Variants in ARL5C observed in about 807,000 individuals in gnomAD.
ARL5C encodes putative ADP-ribosylation factor-like protein 5C.
A neutral mutation model predicts 20.8 loss-of-function variants in ARL5C; 21 were observed. That is an observed-to-expected ratio of 1.01 (90% CI 0.72 to 1.46). The LOEUF (loss-of-function observed/expected upper bound fraction) is 1.46. ARL5C is among the 40% of genes most tolerant of loss of function. The probability of loss-of-function intolerance (pLI) is 0.00; values close to 1 mark genes in which losing one functional copy is unlikely to be tolerated. For synonymous variants in ARL5C, 71 were observed against 81.6 expected, an observed-to-expected ratio of 0.87 and a Z score of 0.70; for missense variants, 199 against 225.1, an observed-to-expected ratio of 0.88 and a Z score of 0.74.
intron 5 of ARL5C, among the ~76,000 whole-genome samples, chr17:39,157,937 C>CAAA (rs71141772): frequency 0.063 from 8,796 of 139,298 alleles, 392 homozygotes; most frequent in African/African-American, 0.13. Flanking sequence ...ACTAAAAATA[C>CAAA]AAAAAAAAAA....
Position 39,156,901 on chromosome 17 carries a change from G to A in ARL5C, c.533C>T (p.Ala178Val). Residue 178 changes from alanine to valine, a missense_variant, in exon 6 of 6, where the codon GCT (alanine) becomes GTT (valine). By Grantham distance (64) the Ala-to-Val change is moderately conservative. Coordinates refer to ENST00000269586, the MANE Select transcript of ARL5C (RefSeq NM_001143968.1). The stretch of plus-strand genomic sequence containing the variant: ...TGACCTCAGACTGGAACATCAGTTA[G>A]CAGCGGCCTGAGATTCCATCCACTG... Reference protein sequence around the residue: ...RLQWMESQAAAN With the variant: ...RLQWMESQAAVN 1 of 1,551,890 alleles carries A rather than the reference G, an allele frequency of 6.4e-7. No homozygotes were observed. The highest frequency in any genetic ancestry group is 8.7e-7 in the Non-Finnish European group (1 of 1,146,990).
Position 39,161,311 on chromosome 17 carries a change from A to G in ARL5C, c.296T>C (p.Leu99Pro). Residue 99 changes from leucine to proline, a missense_variant, in exon 4 of 6, where the codon CTG (leucine) becomes CCG (proline). Leu to Pro is a moderately conservative substitution (Grantham distance 98). Coordinates refer to ENST00000269586, the MANE Select transcript of ARL5C (RefSeq NM_001143968.1). The part of the protein sequence containing the change: ...LVIDSTDRDR[L>P]LTTREELYKM... ...ATATAGCTCCTCCCGAGTGGTCAGCAGCCGATCCCGGTCCGTGCTGTCAAT... is the reference window on the plus strand; with the variant it reads ...ATATAGCTCCTCCCGAGTGGTCAGCGGCCGATCCCGGTCCGTGCTGTCAAT... The G allele has an allele frequency of 6.4e-7, 1 of 1,551,956 alleles. No individual in the cohort carries two copies. Among genetic ancestry groups the G allele is most frequent in the Non-Finnish European group, 8.7e-7 (1 of 1,147,036 alleles).
intron 3 of ARL5C, 80 bp from the exon 4 acceptor site, chr17:39,161,431 G>T: frequency 8.1e-7 from 1 of 1,238,628 alleles, no homozygotes; most frequent in South Asian, 1.3e-5. Context: ...TTCCCCACTG[G>T]TCTCTGCACT....
In ARL5C at chr17:39,162,707, T is replaced by C. The variant is rs116337716; in HGVS notation, c.255+4A>G. On this transcript the variant is annotated splice_donor_region_variant and intron_variant, in intron 3 of 5. Coordinates refer to ENST00000269586, the MANE Select transcript of ARL5C (RefSeq NM_001143968.1). Reference sequence around the variant, plus strand: ...AGACCCTTCAGCCCTGGTGCCCTCCTCACCTCAGTGTTGGAGTAGTATGTG... The same window carrying C: ...AGACCCTTCAGCCCTGGTGCCCTCCCCACCTCAGTGTTGGAGTAGTATGTG... The C allele has an allele frequency of 1.8e-3, 2,722 of 1,551,346 alleles. 50 individuals carry two copies. The African/African-American group carries it at 0.034, about 19-fold the overall frequency.
At chr17:39,158,651 G>GC (rs1486633720) in intron 5 of ARL5C, among the ~76,000 whole-genome samples, 1 of 151,216 alleles carries the variant, frequency 6.6e-6, no homozygotes, top group Non-Finnish European at 1.5e-5. Flanking sequence ...TGCCCAGCCT[G>GC]CCATGATTCC....
At position 39,156,948 on chromosome 17, in the gene ARL5C, G is replaced by A. The variant is rs1467443961; in HGVS notation, c.492-6C>T. On this transcript the variant is annotated splice_region_variant and splice_polypyrimidine_tract_variant and intron_variant, in intron 5 of 5. Transcript: ENST00000269586. ...ACTGAAGTCTGGCAGGCAGCCTGCA[G>A]GGAGGAAGGAACAGGAGGGGTCAGC... 2 of 1,551,768 alleles carry A rather than the reference G, an allele frequency of 1.3e-6. No homozygotes were observed. Among genetic ancestry groups the A allele is most frequent in the Non-Finnish European group, 1.7e-6 (2 of 1,146,984 alleles).
chr17:39,159,106 AGTGCAGC>A (rs2045421763), intron 5 of ARL5C, among the ~76,000 whole-genome samples: 1 of 125,690 alleles, frequency 8.0e-6, no homozygotes, highest in Non-Finnish European at 1.6e-5. Context: ...GTCAGAGCTC[AGTGCAGC>A]CTGGAACTCC....
chr17:39,160,559 G>A lies in ARL5C; in HGVS notation c.491+32C>T. 5 of 1,549,674 alleles carry A rather than the reference G, an allele frequency of 3.2e-6. 1 individual carries two copies. The South Asian group carries it at 4.8e-5, about 15-fold the overall frequency. On this transcript the variant is annotated intron_variant, in intron 5 of 5. Coordinates refer to ENST00000269586, the MANE Select transcript of ARL5C (RefSeq NM_001143968.1). ...GTCAGTCATCCATTGGTTCAGCCAG[G>A]CCCTAGAGATCCAGGTAGGGCAGCC... is the stretch of plus-strand genomic sequence containing the variant.
At chr17:39,156,831 G>T (rs1311627344), downstream of ARL5C, 11 of 1,535,272 alleles carry the variant, frequency 7.2e-6, no homozygotes, top group African/African-American at 1.2e-4. Context: ...ATAGCCACTT[G>T]ATTTTCCACC....
At chr17:39,160,812 C>T (rs533376893) in intron 4 of ARL5C, 70 bp from the exon 5 acceptor site, 16 of 1,514,880 alleles carry the variant, frequency 1.1e-5, no homozygotes, top group African/African-American at 4.1e-5. Flanking sequence ...GCCTCACAGG[C>T]GCTCTCTGGC....
At chr17:39,156,991 T>C in intron 5 of ARL5C, 49 bp from the exon 6 acceptor site, 1 of 1,548,024 alleles carries the variant, frequency 6.5e-7, no homozygotes. Context: ...AAGAGAATGA[T>C]GGCCTTCAAG....
At chr17:39,163,353 T>TCTTTCTTTCTTTCTTTCTTTCTTTCTTC (rs772948301) in intron 2 of ARL5C, among the ~76,000 whole-genome samples, 3 of 109,204 alleles carry the variant, frequency 2.7e-5, no homozygotes, top group African/African-American at 2.1e-4. Context: ...TGCCTTTCTT[T>TCTTTCTTTCTTTCTTTCTTTCTTTCTTC]CTTTCTTTCT....
Position 39,165,840 on chromosome 17 carries a change from T to TC in ARL5C, c.-81dup, listed in dbSNP as rs966478402. ...TCGGCCCTGGTATTCGGAGCTCCGCTCCCCCGGGAGGGTCTGGCAGATTTT... is the reference window on the plus strand; with the variant it reads ...TCGGCCCTGGTATTCGGAGCTCCGCTCCCCCCGGGAGGGTCTGGCAGATTTT... On this transcript the variant is annotated 5_prime_UTR_variant, in exon 1 of 6. Transcript: ENST00000269586. 7.3e-6 allele frequency: 11 copies of TC among 1,505,906 alleles called. No individual in the cohort carries two copies. The African/African-American group carries it at 9.7e-5, about 13-fold the overall frequency. The allele number at this position is 1,505,906 out of a possible 1,614,324, so 93.3% of individuals were successfully genotyped here.
At chr17:39,163,774 A>G (rs1364607529) in intron 2 of ARL5C, among the ~76,000 whole-genome samples, 15 of 145,250 alleles carry the variant, frequency 1.0e-4, no homozygotes, top group Non-Finnish European at 2.1e-4. Flanking sequence ...GCACAATCTC[A>G]GCTCACTGCA....
At chr17:39,160,878 G>C in intron 4 of ARL5C, 136 bp from the exon 5 acceptor site, 1 of 1,021,374 alleles carries the variant, frequency 9.8e-7, no homozygotes, top group Non-Finnish European at 1.4e-6. Context: ...GCAGAGATGG[G>C]GGCCCTGCCA....
intron 5 of ARL5C, among the ~76,000 whole-genome samples, chr17:39,158,322 A>C (rs1023278503): frequency 2.6e-5 from 4 of 151,912 alleles, no homozygotes; most frequent in African/African-American, 9.7e-5. Context: ...TCTTCAAAAA[A>C]CACATCTGCG....
chr17:39,165,615 C>A (rs1024022241), intron 1 of ARL5C, 100 bp downstream of exon 1: 6 of 1,474,698 alleles, frequency 4.1e-6, no homozygotes, highest in Non-Finnish European at 4.6e-6. Flanking sequence ...ATACGACCCT[C>A]GGAGCCCGAG....
chr17:39,165,586 G>A, intron 1 of ARL5C, 129 bp downstream of exon 1: 1 of 1,171,230 alleles, frequency 8.5e-7, no homozygotes, highest in Non-Finnish European at 1.2e-6. Flanking sequence ...AGGCCGCGGG[G>A]CAGTCGAGGA....
intron 2 of ARL5C, among the ~76,000 whole-genome samples, chr17:39,163,605 G>A (rs2045448398): frequency 6.7e-6 from 1 of 149,366 alleles, no homozygotes; most frequent in Non-Finnish European, 1.5e-5. Context: ...TTGGCTGGGC[G>A]AGTCTCGAAC....
Sources: gnomAD v4.1 joint callset for allele counts (sites outside exome capture counted in the v4.1 genomes callset) on GRCh38, gnomAD v4.1.1 for gene constraint, MANE v1.5 for transcripts, NCBI Gene and HGNC (gene_info 2026-07-23, HGNC 2026-07-21) for gene names.